The following THRAP3 variants were observed in gnomAD, a reference collection of about 807,000 sequenced individuals.
THRAP3 encodes thyroid hormone receptor-associated protein 3.
In THRAP3, 16 loss-of-function variants were observed where a neutral mutation model predicts 101.0. The ratio of observed to expected loss-of-function variants is 0.16; its 90% CI spans 0.11 to 0.24. The LOEUF is 0.24. THRAP3 is among the 10% of genes least tolerant of loss of function. The pLI, the probability that THRAP3 is intolerant of heterozygous loss-of-function variation, is 1.00. For synonymous variants in THRAP3, 407 were observed against 422.6 expected, an observed-to-expected ratio of 0.96 and a Z score of 0.45; for missense variants, 989 against 1,202.7, an observed-to-expected ratio of 0.82 and a Z score of 2.63.
At chr1:36,228,038 G>C (rs1466009627) in intron 1 of THRAP3, among the ~76,000 whole-genome samples, 8 of 145,142 alleles carry the variant, frequency 5.5e-5, no homozygotes. Flanking sequence ...ACCACACGTG[G>C]CCTCTTTTTT....
chr1:36,231,319 A>G (rs544948117), intron 1 of THRAP3, among the ~76,000 whole-genome samples: 1 of 152,346 alleles, frequency 6.6e-6, no homozygotes, highest in African/African-American at 2.4e-5. Flanking sequence ...TGGAGAGCAT[A>G]GAGGCATTGG....
At chr1:36,213,980 A>AAG in the THRAP3 span, among the ~76,000 whole-genome samples, 1 of 108,914 alleles carries the variant, frequency 9.2e-6, no homozygotes, top group Non-Finnish European at 1.8e-5. Flanking sequence ...AAAGAAAGAA[A>AAG]GAAAGAAAGA....
chr1:36,229,335 A>G (rs890469187), intron 1 of THRAP3, among the ~76,000 whole-genome samples: 10 of 150,120 alleles, frequency 6.7e-5, no homozygotes, highest in Admixed American at 1.3e-4. Flanking sequence ...TGACCTCGTG[A>G]TCTGCCCGCC....
chr1:36,299,193 C>T (rs1434354234), intron 9 of THRAP3, among the ~76,000 whole-genome samples: 1 of 152,036 alleles, frequency 6.6e-6, no homozygotes, highest in Non-Finnish European at 1.5e-5. Context: ...GTAATCCCAG[C>T]ACTTTGGGAG....
chr1:36,295,641 T>C (rs1038955590), intron 8 of THRAP3, among the ~76,000 whole-genome samples: 3 of 150,472 alleles, frequency 2.0e-5, no homozygotes, highest in Admixed American at 1.3e-4. Flanking sequence ...CCCTGTTTCT[T>C]TGGTTTCTTT....
intron 1 of THRAP3, among the ~76,000 whole-genome samples, chr1:36,256,833 T>G (rs1645382151): frequency 6.6e-6 from 1 of 152,074 alleles, no homozygotes; most frequent in South Asian, 2.1e-4. Flanking sequence ...TTCGCTATTG[T>G]TGTCCAGGCT....
chr1:36,286,329 C>A lies in THRAP3; in HGVS notation c.138-39C>A. 6.6e-7 allele frequency: 1 copy of A among 1,521,902 alleles called. No individual in the cohort carries two copies. The highest frequency in any genetic ancestry group is 1.3e-5 in the South Asian group (1 of 76,386). The allele number at this position is 1,521,902 out of a possible 1,614,324, so 94.3% of individuals were successfully genotyped here. A position where few individuals can be genotyped will look rare whatever the true frequency, so the allele number is the denominator to read the frequency against. Reference sequence around the variant, plus strand: ...TTTTCTTGAATAAAAATGCTTGTGTCAAAAATTCAAACATTTGTCTCTTTC... The same window carrying A: ...TTTTCTTGAATAAAAATGCTTGTGTAAAAAATTCAAACATTTGTCTCTTTC... On this transcript the variant is annotated intron_variant, in intron 3 of 11. Coordinates refer to ENST00000354618, the MANE Select transcript of THRAP3 (RefSeq NM_005119.4). This position sits in a 1 kb window ranked among gnomAD's most constrained non-coding sequence, Gnocchi z 5.5.
intron 1 of THRAP3, among the ~76,000 whole-genome samples, chr1:36,244,368 G>T (rs886130442): frequency 6.6e-6 from 1 of 151,916 alleles, no homozygotes; most frequent in African/African-American, 2.4e-5. Flanking sequence ...CTTCCAATTT[G>T]TAATTAAAAA....
intron 4 of THRAP3, chr1:36,288,460 T>G (rs1293747152): frequency 2.5e-5 from 25 of 985,364 alleles, no homozygotes; most frequent in Non-Finnish European, 2.9e-5. Context: ...GCATGAGCTC[T>G]GCTTTTCCAT....
the THRAP3 span, among the ~76,000 whole-genome samples, chr1:36,209,432 C>T: frequency 6.6e-6 from 1 of 152,170 alleles, no homozygotes; most frequent in Admixed American, 6.5e-5. Flanking sequence ...CTAGCAGCAT[C>T]CCTGGCCTCA....
intron 1 of THRAP3, among the ~76,000 whole-genome samples, chr1:36,255,672 C>A (rs1645363956): frequency 6.6e-6 from 1 of 151,208 alleles, no homozygotes; most frequent in Admixed American, 6.6e-5. Flanking sequence ...ACTAGGGAGG[C>A]TGAGGCAGGA....
chr1:36,255,781 A>AG (rs993509222), intron 1 of THRAP3, among the ~76,000 whole-genome samples: 1 of 151,372 alleles, frequency 6.6e-6, no homozygotes, highest in Non-Finnish European at 1.5e-5. Context: ...TCAAAAAAAA[A>AG]AAAAGAAAAG....
intron 1 of THRAP3, among the ~76,000 whole-genome samples, chr1:36,255,084 G>A (rs1210773081): frequency 1.3e-5 from 2 of 152,224 alleles, no homozygotes; most frequent in Non-Finnish European, 2.9e-5. Flanking sequence ...CTTATGCTTA[G>A]TATTTTTTTT....
chr1:36,243,928 C>T (rs112880541), intron 1 of THRAP3, among the ~76,000 whole-genome samples: 4 of 121,572 alleles, frequency 3.3e-5, no homozygotes, highest in South Asian at 2.8e-4. Context: ...GGGGGGCTGA[C>T]CCCCCCACCT....
At chr1:36,234,878 G>A (rs1645067661) in intron 1 of THRAP3, among the ~76,000 whole-genome samples, 1 of 137,618 alleles carries the variant, frequency 7.3e-6, no homozygotes, top group African/African-American at 2.7e-5. Flanking sequence ...GCAGTGGCAC[G>A]ATCTTGGCTT....
intron 1 of THRAP3, among the ~76,000 whole-genome samples, chr1:36,237,045 G>GC (rs1645098738): frequency 6.6e-6 from 1 of 151,990 alleles, no homozygotes; most frequent in Non-Finnish European, 1.5e-5. Context: ...GCGTGGTGGC[G>GC]CATCCCTGTA....
intron 3 of THRAP3, among the ~76,000 whole-genome samples, chr1:36,283,498 G>A (rs1435845891): frequency 1.3e-5 from 2 of 152,154 alleles, no homozygotes; most frequent in Non-Finnish European, 2.9e-5. Flanking sequence ...TGTGAGTTTG[G>A]GAAATATTGG....
the THRAP3 span, among the ~76,000 whole-genome samples, chr1:36,208,735 C>T: frequency 1.3e-5 from 2 of 151,990 alleles, no homozygotes; most frequent in South Asian, 2.1e-4. Context: ...GGCACGATCT[C>T]GCCTCACTGA....
intron 1 of THRAP3, among the ~76,000 whole-genome samples, chr1:36,230,552 C>T (rs568085867): frequency 8.5e-5 from 13 of 152,244 alleles, no homozygotes; most frequent in Admixed American, 7.2e-4. Flanking sequence ...CTGGAGCCAC[C>T]GCGCCCGGCC....
Sources: allele counts gnomAD v4.1 joint callset (sites outside exome capture counted in the v4.1 genomes callset), GRCh38; gene constraint gnomAD v4.1.1; non-coding constraint Gnocchi (gnomAD v3.1); transcripts MANE v1.5; gene names NCBI Gene and HGNC (gene_info 2026-07-23, HGNC 2026-07-21).